TTLL4: variants seen among roughly 807,000 people sequenced by gnomAD.
TTLL4 encodes the protein tubulin tyrosine ligase like 4.
A neutral mutation model predicts 122.7 loss-of-function variants in TTLL4; 85 were observed. The observed-to-expected ratio is 0.69, with a 90% CI of 0.58 to 0.83. The LOEUF is 0.83. Ranked by LOEUF, TTLL4 falls within the 40% of genes least tolerant of loss-of-function variation. The probability of loss-of-function intolerance (pLI) is 0.00; values close to 1 mark genes in which losing one functional copy is unlikely to be tolerated. For missense variants in TTLL4, 1,363 were observed against 1,488.6 expected, an observed-to-expected ratio of 0.92 and a Z score of 1.39; for synonymous variants, 553 against 563.0, an observed-to-expected ratio of 0.98 and a Z score of 0.25.
At position 218,739,168 on chromosome 2, in the gene TTLL4, G is replaced by A. The variant is rs1184998589; in HGVS notation, c.1487+5G>A. On this transcript the variant is annotated splice_donor_5th_base_variant and intron_variant, in intron 3 of 19. Transcript: ENST00000392102. ...CTCATCTGATAGGGATATTAGGTATGTTGGCAATGTTTTTGGTTCATTTAG... is the reference window on the plus strand; with the variant it reads ...CTCATCTGATAGGGATATTAGGTATATTGGCAATGTTTTTGGTTCATTTAG... The A allele has an allele frequency of 1.2e-6, 2 of 1,605,418 alleles. No homozygotes were observed. Among genetic ancestry groups the A allele is most frequent in the African/African-American group, 1.3e-5 (1 of 74,644 alleles).
Position 218,740,102 on chromosome 2 carries a change from CAGA to C in TTLL4, c.1540_1542del (p.Glu514del), listed in dbSNP as rs777912597. On this transcript the variant is annotated inframe_deletion, in exon 4 of 20. Transcript: ENST00000392102. Reference sequence around the variant, plus strand: ...CCAGATCAGGCTGAGACTGAAGATACAGAAGAAGAACTAGTAGATGGTTTGGAA... The same window carrying C: ...CCAGATCAGGCTGAGACTGAAGATACAGAAGAACTAGTAGATGGTTTGGAA... The C allele has an allele frequency of 5.5e-5, 88 of 1,614,134 alleles. No homozygotes were observed. Among genetic ancestry groups the C allele is most frequent in the Middle Eastern group, 3.3e-4 (2 of 6,062 alleles).
intron 2 of TTLL4, among the ~76,000 whole-genome samples, chr2:218,730,320 A>G (rs1455358417): frequency 2.5e-5 from 1 of 39,826 alleles, no homozygotes; most frequent in African/African-American, 1.5e-4. Context: ...CCAAAAAAAA[A>G]AAAAAAAAAA....
intron 1 of TTLL4, among the ~76,000 whole-genome samples, chr2:218,721,883 A>G (rs961505450): frequency 6.6e-6 from 1 of 152,106 alleles, no homozygotes; most frequent in Non-Finnish European, 1.5e-5. Flanking sequence ...AGCACTTTTG[A>G]GAGGCTGAGG....
rs576728286 is a variant in TTLL4 at position 218,751,157 on chromosome 2, C to T, written c.2874-547C>T. Among the ~76,000 whole-genome samples, 3 of 49,736 alleles carry T rather than the reference C, an allele frequency of 6.0e-5. No individual in the cohort carries two copies. The East Asian group carries it at 7.8e-4, about 13-fold the overall frequency. 32.6% of individuals were successfully genotyped at this position (49,736 alleles called of 152,430 possible). A position where few individuals can be genotyped will look rare whatever the true frequency, so the allele number is the denominator to read the frequency against. On this transcript the variant is annotated intron_variant, in intron 15 of 19. Coordinates refer to ENST00000392102, the MANE Select transcript of TTLL4 (RefSeq NM_014640.5). ...CTTTCCCCGCTTTACCCTGTAGACT[C>T]ATGTTTGGCTCTGTCCAGTGGTTGT...
At chr2:218,724,387 GACTT>G (rs1274640305) in intron 1 of TTLL4, among the ~76,000 whole-genome samples, 1 of 152,054 alleles carries the variant, frequency 6.6e-6, no homozygotes, top group Non-Finnish European at 1.5e-5. Context: ...CAAGCAAATG[GACTT>G]ACTTCTTGCT....
At chr2:218,718,582 T>TA (rs1941937724) in intron 1 of TTLL4, among the ~76,000 whole-genome samples, 1 of 152,190 alleles carries the variant, frequency 6.6e-6, no homozygotes, top group African/African-American at 2.4e-5. Context: ...TTCTCCATGT[T>TA]GCTCAGGCTG....
rs1942808695 is a variant in TTLL4 at position 218,745,218 on chromosome 2, A to C, written c.1771A>C (p.Thr591Pro). 2 of 1,613,838 alleles carry C rather than the reference A, an allele frequency of 1.2e-6. No homozygotes were observed. Among genetic ancestry groups the C allele is most frequent in the Non-Finnish European group, 1.7e-6 (2 of 1,179,910 alleles). The change falls in exon 6 of 20, where the codon ACT becomes CCT. Residue 591 changes from threonine (T) to proline (P), a missense_variant. Physicochemically the swap from Thr to Pro is conservative, Grantham distance 38 (BLOSUM62 -1). Transcript: ENST00000392102. ...PNVPPTIYFGTRDERVEKLPW... is the reference protein window; with the variant it reads ...PNVPPTIYFGPRDERVEKLPW... ...CGTTCCCCCTACCATCTATTTTGGC[A>C]CTCGGGATGAGAGAGGTAAACCTGG...
chr2:218,758,901 A>G (rs1419001559), downstream of TTLL4, among the ~76,000 whole-genome samples: 1 of 152,262 alleles, frequency 6.6e-6, no homozygotes, highest in Non-Finnish European at 1.5e-5. Context: ...CAATCAGTGA[A>G]TTAACAAATT....
At chr2:218,726,722 C>T (rs1387418047) in intron 1 of TTLL4, among the ~76,000 whole-genome samples, 1 of 152,228 alleles carries the variant, frequency 6.6e-6, no homozygotes, top group African/African-American at 2.4e-5. Flanking sequence ...CTGCCTCAGC[C>T]TCCCAAAGTG....
intron 1 of TTLL4, among the ~76,000 whole-genome samples, chr2:218,712,534 A>G (rs1941740522): frequency 6.6e-6 from 1 of 151,968 alleles, no homozygotes; most frequent in South Asian, 2.1e-4. Flanking sequence ...TTAGAGGCGC[A>G]TGCTGCCACG....
At chr2:218,741,164 T>A (rs903598868) in intron 5 of TTLL4, among the ~76,000 whole-genome samples, 1 of 152,070 alleles carries the variant, frequency 6.6e-6, no homozygotes, top group African/African-American at 2.4e-5. Flanking sequence ...CTAAGATGGG[T>A]GGATCACTTG....
At position 218,751,773 on chromosome 2, in the gene TTLL4, A is replaced by G. The variant is rs753448202; in HGVS notation, c.2943A>G (p.Lys981=). The change falls in exon 16 of 20, where the codon AAA becomes AAG. Residue 981 remains lysine (K), a synonymous_variant. Coordinates refer to ENST00000392102, the MANE Select transcript of TTLL4 (RefSeq NM_014640.5). ...ATGTCACTGCACAGAAGATGAAGAAAGCCTATTATCTGACCCAGAAAATTC... is the reference window on the plus strand; with the variant it reads ...ATGTCACTGCACAGAAGATGAAGAAGGCCTATTATCTGACCCAGAAAATTC... ...PEHVTAQKMK[K]AYYLTQKIPD... is the part of the protein sequence containing the mutation. The G allele has an allele frequency of 6.2e-7, 1 of 1,613,548 alleles. No homozygotes were observed.
chr2:218,731,814 C>T (rs748102124), intron 2 of TTLL4, among the ~76,000 whole-genome samples: 12 of 152,192 alleles, frequency 7.9e-5, no homozygotes, highest in Non-Finnish European at 1.5e-4. Flanking sequence ...ACCACAAGGC[C>T]GTAGCTGCTC....
Position 218,740,104 on chromosome 2 carries a change from G to A in TTLL4, c.1534G>A (p.Glu512Lys). Residue 512 changes from glutamate (E) to lysine (K), a missense_variant, in exon 4 of 20, where the codon GAA becomes AAA. Physicochemically the swap from Glu to Lys is moderately conservative, Grantham distance 56 (BLOSUM62 1). This residue lies in a region of TTLL4 where 760 missense variants were observed against 808.4 expected (regional missense o/e 0.94). Coordinates refer to ENST00000392102, the MANE Select transcript of TTLL4 (RefSeq NM_014640.5). ...AGATCAGGCTGAGACTGAAGATACA[G>A]AAGAAGAACTAGTAGATGGTTTGGA... ...QPDQAETEDT[E>K]EELVDGLEDC... 1.9e-6 allele frequency: 3 copies of A among 1,614,042 alleles called. No homozygotes were observed. The highest frequency in any genetic ancestry group is 2.5e-6 in the Non-Finnish European group (3 of 1,179,900).
chr2:218,746,704 G>A (rs779729214), intron 8 of TTLL4: 11 of 430,260 alleles, frequency 2.6e-5, no homozygotes, highest in Admixed American at 4.0e-5. Context: ...TACTAAAGGC[G>A]AAATGCTTTT....
Position 218,747,888 on chromosome 2 carries a change from G to A in TTLL4, c.2378+163G>A. The A allele has an allele frequency of 1.7e-6, 2 of 1,188,432 alleles. No homozygotes were observed. Among genetic ancestry groups the A allele is most frequent in the Non-Finnish European group, 1.2e-6 (1 of 851,052 alleles). The allele number at this position is 1,188,432 out of a possible 1,614,324, so 73.6% of individuals were successfully genotyped here. A position where few individuals can be genotyped will look rare whatever the true frequency, so the allele number is the denominator to read the frequency against. ...CTCTCTACTTCGTTAAATCTGGGGAGGGTCTTCCTGCATGCGGGACTGAGG... is the reference window on the plus strand; with the variant it reads ...CTCTCTACTTCGTTAAATCTGGGGAAGGTCTTCCTGCATGCGGGACTGAGG... On this transcript the variant is annotated intron_variant, in intron 11 of 19. Coordinates refer to ENST00000392102, the MANE Select transcript of TTLL4 (RefSeq NM_014640.5). This position sits in a 1 kb window ranked among gnomAD's most constrained non-coding sequence, Gnocchi z 4.7.
intron 5 of TTLL4, among the ~76,000 whole-genome samples, chr2:218,740,918 T>C (rs6726728): frequency 0.49 from 74,859 of 151,800 alleles, 19,120 homozygotes; most frequent in African/African-American, 0.59. Flanking sequence ...ACTAAAAATA[T>C]AAAAATTAGC....
intron 8 of TTLL4, 32 bp from the exon 9 acceptor site, chr2:218,746,971 T>G (rs1444752364): frequency 6.2e-7 from 1 of 1,606,154 alleles, no homozygotes; most frequent in Non-Finnish European, 8.5e-7. Context: ...ACCTCTGCCC[T>G]CTTCCTGCAC....
chr2:218,755,474 G>A (rs1943133647), downstream of TTLL4: 1 of 152,136 alleles, frequency 6.6e-6, no homozygotes, highest in Admixed American at 6.5e-5. Flanking sequence ...ACTTGAACCA[G>A]AAGTTCTAAT....
Sources: allele counts gnomAD v4.1 joint callset (sites outside exome capture counted in the v4.1 genomes callset), GRCh38; gene constraint gnomAD v4.1.1; regional missense constraint gnomAD v4.1.1; non-coding constraint Gnocchi (gnomAD v3.1); transcripts MANE v1.5; gene names NCBI Gene and HGNC (gene_info 2026-07-23, HGNC 2026-07-21).